PDLIM5: variants seen among roughly 807,000 people sequenced by gnomAD.
PDLIM5 encodes PDZ and LIM domain protein 5.
A neutral mutation model predicts 64.2 loss-of-function variants in PDLIM5; 34 were observed. The observed-to-expected ratio is 0.53, with a 90% CI of 0.40 to 0.71. The LOEUF is 0.71. Among genes scored for constraint, PDLIM5 ranks in the 30% least tolerant of loss-of-function variants. The pLI is 0.00. For synonymous variants in PDLIM5, 253 were observed against 269.1 expected, an observed-to-expected ratio of 0.94 and a Z score of 0.59; for missense variants, 683 against 733.6, an observed-to-expected ratio of 0.93 and a Z score of 0.80.
intron 3 of PDLIM5, among the ~76,000 whole-genome samples, chr4:94,541,514 C>A (rs1439031802): frequency 6.6e-6 from 1 of 152,224 alleles, no homozygotes; most frequent in African/African-American, 2.4e-5. Context: ...CACTGAAGTC[C>A]TAGCCACAGA....
At chr4:94,648,519 C>T (rs149318782) in intron 9 of PDLIM5, among the ~76,000 whole-genome samples, 110 of 152,270 alleles carry the variant, frequency 7.2e-4, no homozygotes, top group Non-Finnish European at 1.2e-3. Context: ...AGTCTGGCCT[C>T]GAACTCCTGG....
intron 3 of PDLIM5, among the ~76,000 whole-genome samples, chr4:94,569,562 C>T (rs1461383313): frequency 2.0e-5 from 3 of 152,228 alleles, no homozygotes; most frequent in Middle Eastern, 3.4e-3. Context: ...TCAGGTGATC[C>T]ACCCACCTCA....
chr4:94,555,832 T>C (rs1733250270), intron 3 of PDLIM5, among the ~76,000 whole-genome samples: 1 of 151,884 alleles, frequency 6.6e-6, no homozygotes, highest in Admixed American at 6.6e-5. Context: ...TTAACCTCTT[T>C]ATAGATGAGG....
At chr4:94,651,127 T>C (rs573291758) in intron 9 of PDLIM5, among the ~76,000 whole-genome samples, 15 of 152,354 alleles carry the variant, frequency 9.8e-5, no homozygotes, top group Admixed American at 9.1e-4. Flanking sequence ...TAGTCTTTGC[T>C]GACACAGAGA....
At chr4:94,574,180 C>G (rs114202931) in intron 4 of PDLIM5, among the ~76,000 whole-genome samples, 151 of 152,290 alleles carry the variant, frequency 9.9e-4, no homozygotes, top group African/African-American at 3.5e-3. Context: ...ACTTATTTTT[C>G]TCAATTAGTT....
At chr4:94,596,998 A>G (rs913016928) in intron 7 of PDLIM5, among the ~76,000 whole-genome samples, 1 of 152,144 alleles carries the variant, frequency 6.6e-6, no homozygotes, top group Admixed American at 6.5e-5. Context: ...AGATGCACCT[A>G]ATTAACTACT....
At chr4:94,579,324 C>T in intron 5 of PDLIM5, 3 of 345,910 alleles carry the variant, frequency 8.7e-6, no homozygotes, top group South Asian at 1.2e-4. Flanking sequence ...TTACCTTTTC[C>T]CTTTCCATAT....
chr4:94,591,837 T>G (rs1736700557), intron 7 of PDLIM5, among the ~76,000 whole-genome samples: 1 of 152,238 alleles, frequency 6.6e-6, no homozygotes, highest in Non-Finnish European at 1.5e-5. Flanking sequence ...AGCGCTAAGC[T>G]CTGCTTTCTG....
At chr4:94,559,657 A>G (rs911790186) in intron 3 of PDLIM5, among the ~76,000 whole-genome samples, 1 of 152,256 alleles carries the variant, frequency 6.6e-6, no homozygotes, top group Non-Finnish European at 1.5e-5. Flanking sequence ...AACAAAGATT[A>G]TAATGCAAGT....
intron 2 of PDLIM5, among the ~76,000 whole-genome samples, chr4:94,500,992 G>A (rs1727862355): frequency 6.6e-6 from 1 of 151,834 alleles, no homozygotes; most frequent in South Asian, 2.1e-4. Flanking sequence ...ATGTTGGCCA[G>A]GCTGGTCTCC....
chr4:94,470,049 C>T lies in PDLIM5; in HGVS notation c.96+14665C>T, dbSNP rs965620868. On this transcript the variant is annotated intron_variant, in intron 2 of 12. Coordinates refer to ENST00000317968, the MANE Select transcript of PDLIM5 (RefSeq NM_006457.5). ...TGGCGTGATCTCGACTCACTGCAAC[C>T]TCCGCCTCTCGGGTTTAAGTAATTG... 6.2e-5 allele frequency among the ~76,000 whole-genome samples: 9 copies of T among 144,608 alleles called. No homozygotes were observed. The Admixed American group carries it at 6.4e-4, about 10-fold the overall frequency. 94.9% of individuals were successfully genotyped at this position (144,608 alleles called of 152,430 possible).
intron 3 of PDLIM5, among the ~76,000 whole-genome samples, chr4:94,541,551 G>A (rs1731807520): frequency 6.6e-6 from 1 of 152,228 alleles, no homozygotes; most frequent in Admixed American, 6.5e-5. Context: ...TGTGGGGGCA[G>A]CCCCACATGC....
chr4:94,555,046 G>A (rs906618494), intron 3 of PDLIM5, among the ~76,000 whole-genome samples: 4 of 151,984 alleles, frequency 2.6e-5, no homozygotes, highest in African/African-American at 9.7e-5. Flanking sequence ...TAAGTTAGGT[G>A]TGTTAAATGC....
intron 8 of PDLIM5, among the ~76,000 whole-genome samples, chr4:94,624,191 G>A (rs539844245): frequency 3.9e-5 from 6 of 151,958 alleles, no homozygotes; most frequent in Admixed American, 2.6e-4. Context: ...GGTGGTGCAC[G>A]CCTATGGTCC....
rs1041116876 is a variant in PDLIM5 at position 94,611,165 on chromosome 4, G to A, written c.921-6839G>A. 3.3e-6 allele frequency: 5 copies of A among 1,535,290 alleles called. No individual in the cohort carries two copies. The Admixed American group carries it at 5.9e-5, about 18-fold the overall frequency. ...CTTTTTCCTATCTGCAGTCCTCAAGGAAATCAACTGGCTCTATCCATGTTA... is the reference window on the plus strand; with the variant it reads ...CTTTTTCCTATCTGCAGTCCTCAAGAAAATCAACTGGCTCTATCCATGTTA... On this transcript the variant is annotated intron_variant, in intron 7 of 12. Transcript: ENST00000317968.
chr4:94,662,131 T>C (rs1417341601), intron 11 of PDLIM5, among the ~76,000 whole-genome samples: 1 of 152,198 alleles, frequency 6.6e-6, no homozygotes, highest in Admixed American at 6.5e-5. Context: ...AACAGTTCTT[T>C]ATATGTATTT....
intron 7 of PDLIM5, among the ~76,000 whole-genome samples, chr4:94,612,457 C>G (rs1738447295): frequency 6.6e-6 from 1 of 152,112 alleles, no homozygotes; most frequent in Non-Finnish European, 1.5e-5. Flanking sequence ...TTAGAGTACA[C>G]TTTGAGTACT....
At chr4:94,585,089 TTTTTG>T in intron 5 of PDLIM5, 1 of 761,712 alleles carries the variant, frequency 1.3e-6, no homozygotes, top group South Asian at 1.7e-5. Flanking sequence ...TTAAAAGGTT[TTTTTG>T]TTTTGTTTTT....
chr4:94,545,663 C>T (rs905851634), intron 3 of PDLIM5, among the ~76,000 whole-genome samples: 4 of 152,110 alleles, frequency 2.6e-5, no homozygotes, highest in Admixed American at 6.5e-5. Context: ...ACAGGAAGCA[C>T]GATCATCTTT....
Sources: gnomAD v4.1 joint callset for allele counts (sites outside exome capture counted in the v4.1 genomes callset) on GRCh38, gnomAD v4.1.1 for gene constraint, MANE v1.5 for transcripts, NCBI Gene and HGNC (gene_info 2026-07-23, HGNC 2026-07-21) for gene names.